Variants in OLFML2A observed in about 807,000 individuals in gnomAD.
OLFML2A encodes olfactomedin-like protein 2A.
Under a neutral mutation model 60.9 loss-of-function variants are expected in OLFML2A, and 47 were observed. The observed-to-expected ratio is 0.77, with a 90% CI of 0.61 to 0.98. The LOEUF is 0.98. Among genes scored for constraint, OLFML2A ranks in the 50% least tolerant of loss-of-function variants. OLFML2A has a pLI of 0.00. For missense variants in OLFML2A, 922 were observed against 879.8 expected (o/e 1.05, Z -0.61); for synonymous variants, 372 against 375.0 (o/e 0.99, Z 0.09).
intron 1 of OLFML2A, among the ~76,000 whole-genome samples, chr9:124,781,008 A>C (rs1841352748): frequency 6.6e-6 from 1 of 152,232 alleles, no homozygotes; most frequent in South Asian, 2.1e-4. Flanking sequence ...TGCAGCTCCC[A>C]GGTGCACCCC....
chr9:124,798,009 G>T (rs987198162), intron 3 of OLFML2A, among the ~76,000 whole-genome samples: 1 of 152,206 alleles, frequency 6.6e-6, no homozygotes, highest in Non-Finnish European at 1.5e-5. Flanking sequence ...GCAGGGCTCA[G>T]TGCTGGGAGA....
intron 7 of OLFML2A, among the ~76,000 whole-genome samples, chr9:124,809,387 G>A (rs1211815502): frequency 6.6e-6 from 1 of 152,072 alleles, no homozygotes; most frequent in East Asian, 1.9e-4. Context: ...CTCAGGCTAG[G>A]GAGGTCAGTG....
chr9:124,786,487 G>T (rs576044291), intron 1 of OLFML2A, among the ~76,000 whole-genome samples: 1 of 152,010 alleles, frequency 6.6e-6, no homozygotes, highest in Non-Finnish European at 1.5e-5. Context: ...TTGGGAGGCC[G>T]AGGCGGGCGG....
chr9:124,800,070 C>T (rs1010455887), intron 4 of OLFML2A, among the ~76,000 whole-genome samples: 4 of 152,230 alleles, frequency 2.6e-5, no homozygotes, highest in East Asian at 1.9e-4. Context: ...AACACACCTG[C>T]GTGCAAATGT....
In OLFML2A at chr9:124,814,047, G is replaced by C. The variant is rs1384043600; in HGVS notation, c.*3635G>C. 2 of 152,242 alleles carry C rather than the reference G, an allele frequency of 1.3e-5. No individual in the cohort carries two copies. Among genetic ancestry groups the C allele is most frequent in the African/African-American group, 4.8e-5 (2 of 41,464 alleles). 9.4% of individuals were successfully genotyped at this position (152,242 alleles called of 1,614,324 possible). ...AACAACGTGACTCATGAGGGGCTTT[G>C]GCTACCTCTTGCGTTCCCCCTAGAG... On this transcript the variant is annotated 3_prime_UTR_variant, in exon 8 of 8. Transcript: ENST00000373580.
intron 1 of OLFML2A, among the ~76,000 whole-genome samples, chr9:124,784,956 T>G (rs1841432177): frequency 8.8e-6 from 1 of 113,620 alleles, no homozygotes; most frequent in Non-Finnish European, 1.8e-5. Flanking sequence ...TTTTTTTTTT[T>G]TTTTTTTTTT....
intron 2 of OLFML2A, among the ~76,000 whole-genome samples, 153 bp downstream of exon 2, chr9:124,787,391 C>G (rs1279239149): frequency 6.6e-6 from 1 of 152,184 alleles, no homozygotes; most frequent in Non-Finnish European, 1.5e-5. Flanking sequence ...GGGGAAGTCA[C>G]TTCTTGCCAG....
At chr9:124,781,009 G>C (rs904119418) in intron 1 of OLFML2A, among the ~76,000 whole-genome samples, 2 of 152,194 alleles carry the variant, frequency 1.3e-5, no homozygotes, top group African/African-American at 4.8e-5. Flanking sequence ...GCAGCTCCCA[G>C]GTGCACCCCC....
rs149246444 is a variant in OLFML2A at position 124,807,791 on chromosome 9, G to A, written c.1179G>A (p.Ala393=). 6,147 of 1,611,472 alleles carry A rather than the reference G, an allele frequency of 3.8e-3. 14 individuals are homozygous for A. The highest frequency in any genetic ancestry group is 4.7e-3 in the Non-Finnish European group (5,578 of 1,179,192). Residue 393 remains alanine, a synonymous_variant, in exon 7 of 8, where the codon GCG becomes GCA. Transcript: ENST00000373580. The part of the protein sequence containing the change: ...GPEVSSQGRE[A]SCEGTLRAVD... ...CCCTCCTCCCCACAGGCAGAGAGGC[G>A]AGCTGTGAGGGCACCCTCCGGGCTG...
intron 1 of OLFML2A, among the ~76,000 whole-genome samples, chr9:124,785,892 T>A (rs1841461111): frequency 6.6e-6 from 1 of 152,080 alleles, no homozygotes; most frequent in Admixed American, 6.6e-5. Flanking sequence ...GGCAGAAGGA[T>A]CACTTGTGGC....
At chr9:124,783,158 T>C (rs1170063073) in intron 1 of OLFML2A, among the ~76,000 whole-genome samples, 1 of 151,640 alleles carries the variant, frequency 6.6e-6, no homozygotes. Flanking sequence ...TACTTTCCCC[T>C]GCCCCTCCGC....
intron 2 of OLFML2A, among the ~76,000 whole-genome samples, chr9:124,791,261 TG>T (rs1841563995): frequency 6.6e-6 from 1 of 152,138 alleles, no homozygotes; most frequent in African/African-American, 2.4e-5. Flanking sequence ...TTCTGGGTAA[TG>T]GAAAGTGGGG....
In OLFML2A at chr9:124,779,712, T is replaced by C. The variant is rs1588876116; in HGVS notation, c.90+2352T>C. 1.3e-5 allele frequency among the ~76,000 whole-genome samples: 2 copies of C among 151,962 alleles called. 1 individual carries two copies. Among genetic ancestry groups the C allele is most frequent in the South Asian group, 4.1e-4 (2 of 4,822 alleles). On this transcript the variant is annotated intron_variant, in intron 1 of 7. Coordinates refer to ENST00000373580, the MANE Select transcript of OLFML2A (RefSeq NM_182487.4). This position sits in a 1 kb window ranked among gnomAD's most constrained non-coding sequence, Gnocchi z 4.1. ...CCAGCTGGGAAAAATAAAAATCAAGTGATGGGTGAATTTACTCTGCATTCC... is the reference window on the plus strand; with the variant it reads ...CCAGCTGGGAAAAATAAAAATCAAGCGATGGGTGAATTTACTCTGCATTCC...
At chr9:124,785,583 G>C (rs937865209) in intron 1 of OLFML2A, among the ~76,000 whole-genome samples, 2 of 151,082 alleles carry the variant, frequency 1.3e-5, no homozygotes, top group Non-Finnish European at 2.9e-5. Flanking sequence ...ATTTTGTTTA[G>C]TAGAGACGGG....
chr9:124,794,966 T>C, intron 2 of OLFML2A, 58 bp from the exon 3 acceptor site: 1 of 1,044,196 alleles, frequency 9.6e-7, no homozygotes, highest in Non-Finnish European at 1.4e-6. Flanking sequence ...TTTTACCCTC[T>C]GTGTCTGGCC....
chr9:124,795,632 A>G (rs934478714), intron 3 of OLFML2A, among the ~76,000 whole-genome samples: 3 of 152,152 alleles, frequency 2.0e-5, no homozygotes, highest in Admixed American at 1.3e-4. Context: ...TACAAAAATT[A>G]GGCGTGGTGG....
chr9:124,785,390 C>CTTTTT lies in OLFML2A; in HGVS notation c.91-1564_91-1560dup, dbSNP rs1171618111. Among the ~76,000 whole-genome samples, 200 of 62,242 alleles carry CTTTTT rather than the reference C, an allele frequency of 3.2e-3. 1 individual carries two copies. Among genetic ancestry groups the CTTTTT allele is most frequent in the Middle Eastern group, 0.025 (1 of 40 alleles). 40.8% of individuals were successfully genotyped at this position (62,242 alleles called of 152,430 possible). A position where few individuals can be genotyped will look rare whatever the true frequency, so the allele number is the denominator to read the frequency against. On this transcript the variant is annotated intron_variant, in intron 1 of 7. Coordinates refer to ENST00000373580, the MANE Select transcript of OLFML2A (RefSeq NM_182487.4). ...CTTTGTTTGGATACCCATTTTCTTTCTTTTTTTTTTTTTTTTTTTTTTTTT... is the reference window on the plus strand; with the variant it reads ...CTTTGTTTGGATACCCATTTTCTTTCTTTTTTTTTTTTTTTTTTTTTTTTTTTTTT...
chr9:124,801,672 G>A lies in OLFML2A; in HGVS notation c.919+9G>A. ...GACCGAGGCGGTGGCAGGTGAGTAGGAGGGGAATGGGGACCCTGGGGAGTC... is the reference window on the plus strand; with the variant it reads ...GACCGAGGCGGTGGCAGGTGAGTAGAAGGGGAATGGGGACCCTGGGGAGTC... On this transcript the variant is annotated intron_variant, in intron 5 of 7. Transcript: ENST00000373580. 6.2e-7 allele frequency: 1 copy of A among 1,611,274 alleles called. No homozygotes were observed. Among genetic ancestry groups the A allele is most frequent in the Non-Finnish European group, 8.5e-7 (1 of 1,178,296 alleles).
chr9:124,800,923 TGAGG>T (rs1841761776), intron 4 of OLFML2A: 1 of 1,539,034 alleles, frequency 6.5e-7, no homozygotes, highest in African/African-American at 1.4e-5. Context: ...GCCTGGGACT[TGAGG>T]GTTTTTCCAG....
Sources: allele counts gnomAD v4.1 joint callset (sites outside exome capture counted in the v4.1 genomes callset), GRCh38; gene constraint gnomAD v4.1.1; non-coding constraint Gnocchi (gnomAD v3.1); transcripts MANE v1.5; gene names NCBI Gene and HGNC (gene_info 2026-07-23, HGNC 2026-07-21).